PACC1: variants seen among roughly 807,000 people sequenced by gnomAD.
PACC1 encodes the protein proton activated chloride channel 1, also known as proton-activated chloride channel.
A neutral mutation model predicts 39.7 loss-of-function variants in PACC1; 34 were observed. The observed-to-expected ratio is 0.86, with a 90% CI of 0.65 to 1.14. The LOEUF is 1.14. Ranked by LOEUF, PACC1 falls within the 50% of genes most tolerant of loss-of-function variation. PACC1 has a pLI of 0.00. For missense variants in PACC1, 379 were observed against 436.4 expected (o/e 0.87, Z 1.17); for synonymous variants, 127 against 160.6 (o/e 0.79, Z 1.58).
chr1:212,383,141 TGGA>T (rs760562956), intron 4 of PACC1, among the ~76,000 whole-genome samples: 3 of 152,234 alleles, frequency 2.0e-5, no homozygotes, highest in Non-Finnish European at 4.4e-5. Flanking sequence ...AAGAAATTGA[TGGA>T]GGAGATGAAC....
intron 2 of PACC1, among the ~76,000 whole-genome samples, chr1:212,393,728 G>C (rs1661413187): frequency 6.6e-6 from 1 of 152,004 alleles, no homozygotes; most frequent in Non-Finnish European, 1.5e-5. Flanking sequence ...GAATCAAATA[G>C]ACACAATAAA....
At chr1:212,401,705 C>T (rs1314422306) in intron 2 of PACC1, among the ~76,000 whole-genome samples, 20 of 147,502 alleles carry the variant, frequency 1.4e-4, no homozygotes, top group Middle Eastern at 3.5e-3. Flanking sequence ...ACAGAGTCTC[C>T]CTCTGTCACC....
At chr1:212,413,533 T>A (rs1662212210) in intron 1 of PACC1, among the ~76,000 whole-genome samples, 3 of 152,126 alleles carry the variant, frequency 2.0e-5, no homozygotes, top group Non-Finnish European at 2.9e-5. Flanking sequence ...CTGGGGGCAT[T>A]TTACCCAATG....
Position 212,396,671 on chromosome 1 carries a change from G to A in PACC1, c.134-9571C>T, listed in dbSNP as rs1455765384. ...GAAAGACAACAACTTACAGATCCAA[G>A]AAGCTCAATAAACGCCAACCAGGAT... On this transcript the variant is annotated intron_variant, in intron 2 of 7. Coordinates refer to ENST00000261455, the MANE Select transcript of PACC1 (RefSeq NM_018252.3). Among the ~76,000 whole-genome samples, 11 of 119,330 alleles carry A rather than the reference G, an allele frequency of 9.2e-5. No homozygotes were observed. In the East Asian group the frequency reaches 1.5e-3, roughly 16 times the overall value. 78.3% of individuals were successfully genotyped at this position (119,330 alleles called of 152,430 possible). A position where few individuals can be genotyped will look rare whatever the true frequency, so the allele number is the denominator to read the frequency against.
intron 7 of PACC1, among the ~76,000 whole-genome samples, chr1:212,372,742 A>G (rs2102471844): frequency 6.6e-6 from 1 of 152,314 alleles, no homozygotes; most frequent in Admixed American, 6.5e-5. Flanking sequence ...TAAAATAAAA[A>G]AGAGAGCAAT....
At chr1:212,376,615 G>A (rs995323087) in intron 6 of PACC1, among the ~76,000 whole-genome samples, 2 of 152,224 alleles carry the variant, frequency 1.3e-5, no homozygotes, top group Non-Finnish European at 2.9e-5. Context: ...GGAGATGACA[G>A]TTATCTTACA....
chr1:212,379,915 A>G lies in PACC1; in HGVS notation c.618T>C (p.Ser206=). Residue 206 remains serine (S), a synonymous_variant, in exon 5 of 8, where the codon TCT becomes TCC. Transcript: ENST00000261455. The part of the protein sequence containing the change: ...FSAIDYLLFS[S]FQEFLQSPNR... ...CCCACCTTTGCAGGAACTCCTGGAA[A>G]GAAGAGAAGAGGAGGTAATCAATGG... is the stretch of plus-strand genomic sequence containing the variant. 6.2e-7 allele frequency: 1 copy of G among 1,614,176 alleles called. No individual in the cohort carries two copies.
At chr1:212,379,048 G>A (rs1343356037) in intron 5 of PACC1, among the ~76,000 whole-genome samples, 3 of 151,628 alleles carry the variant, frequency 2.0e-5, no homozygotes, top group African/African-American at 7.3e-5. Context: ...GGTTCAATCG[G>A]TTCTCCTGCC....
chr1:212,414,698 C>G lies in PACC1; in HGVS notation c.36+24G>C, dbSNP rs775888686. ...CCCTGCTCCTCCGCCTCAAACTTCC[C>G]TTCCGTCTCTCACAACCTCGTACCT... On this transcript the variant is annotated intron_variant, in intron 1 of 7. Coordinates refer to ENST00000261455, the MANE Select transcript of PACC1 (RefSeq NM_018252.3). 6 of 1,613,188 alleles carry G rather than the reference C, an allele frequency of 3.7e-6. No individual in the cohort carries two copies. The African/African-American group carries it at 8.0e-5, about 22-fold the overall frequency.
At chr1:212,390,450 CTA>C (rs1377536918) in intron 2 of PACC1, among the ~76,000 whole-genome samples, 2 of 144,018 alleles carry the variant, frequency 1.4e-5, no homozygotes, top group East Asian at 4.0e-4. Flanking sequence ...AAAAAAAAGA[CTA>C]TTGATATTGG....
intron 2 of PACC1, among the ~76,000 whole-genome samples, chr1:212,391,149 TG>T (rs1029085724): frequency 5.3e-5 from 8 of 152,202 alleles, no homozygotes; most frequent in Admixed American, 2.0e-4. Context: ...CCTCCTCAAG[TG>T]GGTCCCTGAA....
At chr1:212,384,012 C>T (rs756775694) in intron 4 of PACC1, among the ~76,000 whole-genome samples, 2 of 152,164 alleles carry the variant, frequency 1.3e-5, no homozygotes, top group African/African-American at 2.4e-5. Context: ...TGCTCTCTAA[C>T]GGTGCTGATT....
intron 2 of PACC1, among the ~76,000 whole-genome samples, chr1:212,388,157 G>A (rs1314125971): frequency 6.6e-6 from 1 of 152,016 alleles, no homozygotes. Context: ...TGTTCCCAGG[G>A]AGCCCTGTAC....
At chr1:212,406,471 G>A (rs966935871) in intron 2 of PACC1, among the ~76,000 whole-genome samples, 7 of 152,102 alleles carry the variant, frequency 4.6e-5, no homozygotes, top group Admixed American at 2.6e-4. Flanking sequence ...AGCCAAGATC[G>A]TGCCACTGCA....
At position 212,385,305 on chromosome 1, in the gene PACC1, T is replaced by C. The variant is rs1661058336; in HGVS notation, c.464A>G (p.Asn155Ser). Residue 155 changes from asparagine to serine, a missense_variant, in exon 4 of 8, where the codon AAC becomes AGC. By Grantham distance (46) the Asn-to-Ser change is conservative. Coordinates refer to ENST00000261455, the MANE Select transcript of PACC1 (RefSeq NM_018252.3). ...CTGATTGGAGAAGGGGTCCGTGTAG[T>C]TGATCCTCTGGGTGGTGCAATTCAT... ...GDMNCTTQRINYTDPFSNQTV... is the reference protein window; with the variant it reads ...GDMNCTTQRISYTDPFSNQTV... 1.2e-6 allele frequency: 2 copies of C among 1,614,054 alleles called. No homozygotes were observed. The highest frequency in any genetic ancestry group is 1.7e-6 in the Non-Finnish European group (2 of 1,180,010).
intron 7 of PACC1, among the ~76,000 whole-genome samples, chr1:212,368,602 A>C (rs999129357): frequency 2.2e-5 from 1 of 45,504 alleles, no homozygotes; most frequent in South Asian, 4.1e-4. Flanking sequence ...AAAATGCATC[A>C]GAGTGCCTCA....
chr1:212,410,458 T>A lies in PACC1; in HGVS notation c.100A>T (p.Thr34Ser), dbSNP rs370061237. The change falls in exon 2 of 8, where the codon ACG becomes TCG. Residue 34 changes from threonine to serine, a missense_variant. Coordinates refer to ENST00000261455, the MANE Select transcript of PACC1 (RefSeq NM_018252.3). ...SELADEQDKE[T>S]VRVQGPGILP... ...ATACCCGGACCTTGGACTCTGACCGTCTCCTTGTCCTGCTCGTCTGCCAGC... is the reference window on the plus strand; with the variant it reads ...ATACCCGGACCTTGGACTCTGACCGACTCCTTGTCCTGCTCGTCTGCCAGC... 6.8e-6 allele frequency: 11 copies of A among 1,614,008 alleles called. No homozygotes were observed. The African/African-American group carries it at 1.5e-4, about 22-fold the overall frequency.
intron 2 of PACC1, among the ~76,000 whole-genome samples, chr1:212,387,922 C>T (rs574097922): frequency 8.6e-5 from 13 of 151,898 alleles, no homozygotes; most frequent in Admixed American, 2.6e-4. Context: ...GGCGTGGTGG[C>T]GCATGCCTGT....
chr1:212,384,968 C>T (rs756313087), intron 4 of PACC1, among the ~76,000 whole-genome samples: 10 of 152,190 alleles, frequency 6.6e-5, no homozygotes, highest in African/African-American at 1.9e-4. Flanking sequence ...GGACCCACTT[C>T]GCTATATCGC....
Sources: allele counts gnomAD v4.1 joint callset (sites outside exome capture counted in the v4.1 genomes callset), GRCh38; gene constraint gnomAD v4.1.1; transcripts MANE v1.5; gene names NCBI Gene and HGNC (gene_info 2026-07-23, HGNC 2026-07-21).